The following CACNG4 variants were observed in gnomAD, a reference collection of about 807,000 sequenced individuals.
CACNG4 encodes the protein voltage-dependent calcium channel gamma-4 subunit.
In CACNG4, 8 loss-of-function variants were observed where a neutral mutation model predicts 22.9. The observed-to-expected ratio is 0.35, with a 90% CI of 0.21 to 0.63. The LOEUF (loss-of-function observed/expected upper bound fraction) is 0.63, where lower values mean the gene tolerates loss of function less well. CACNG4 is among the 30% of genes least tolerant of loss of function. The probability of loss-of-function intolerance (pLI) is 0.72; values close to 1 mark genes in which losing one functional copy is unlikely to be tolerated. For missense variants in CACNG4, 357 were observed against 455.4 expected (o/e 0.78, Z 1.97); for synonymous variants, 188 against 191.9 (o/e 0.98, Z 0.17).
intron 1 of CACNG4, among the ~76,000 whole-genome samples, chr17:66,988,868 G>T (rs2035321237): frequency 1.3e-5 from 2 of 152,128 alleles, no homozygotes; most frequent in South Asian, 4.1e-4. Flanking sequence ...AGACCAGCCT[G>T]ACCAACGTGG....
intron 1 of CACNG4, among the ~76,000 whole-genome samples, chr17:67,015,721 A>G (rs2035493478): frequency 6.6e-6 from 1 of 152,208 alleles, no homozygotes. Flanking sequence ...AAATCGGGAA[A>G]GAGGGACTCC....
rs570266202 is a variant in CACNG4, at chr17:66,991,337, C to A, written c.220+26206C>A. ...TGCCATCCCCAAACAAACAAACAAA[C>A]AAAAAAAAACACTTCCGAAAGACCT... On this transcript the variant is annotated intron_variant, in intron 1 of 3. Transcript: ENST00000262138. Among the ~76,000 whole-genome samples, 309 of 150,486 alleles carry A rather than the reference C, an allele frequency of 2.1e-3. 2 individuals carry two copies. Among genetic ancestry groups the A allele is most frequent in the Admixed American group, 4.4e-3 (67 of 15,140 alleles).
In CACNG4 at chr17:67,024,865, G is replaced by C. The variant is rs111539823; in HGVS notation, c.310G>C (p.Val104Leu). ...HDSSEYLLRI[V>L]RASSVFPILS... is the part of the protein sequence containing the mutation. ...CCCCCCACCTCCCCGGCCAGGCATC[G>C]TGCGAGCCTCCAGCGTCTTCCCCAT... The change falls in exon 3 of 4, where the codon GTG (valine) becomes CTG (leucine). Residue 104 changes from valine (V) to leucine (L), a missense_variant. By Grantham distance (32) the Val-to-Leu change is conservative. Coordinates refer to ENST00000262138, the MANE Select transcript of CACNG4 (RefSeq NM_014405.4). 1.9e-6 allele frequency: 3 copies of C among 1,559,132 alleles called. No homozygotes were observed. The highest frequency in any genetic ancestry group is 2.6e-6 in the Non-Finnish European group (3 of 1,154,572).
At chr17:66,982,874 G>T (rs1352223906) in intron 1 of CACNG4, among the ~76,000 whole-genome samples, 2 of 152,204 alleles carry the variant, frequency 1.3e-5, no homozygotes, top group African/African-American at 4.8e-5. Context: ...AAACTCTACT[G>T]TGGTTCCTAT....
At chr17:66,969,372 C>T (rs2035190460) in intron 1 of CACNG4, among the ~76,000 whole-genome samples, 1 of 152,222 alleles carries the variant, frequency 6.6e-6, no homozygotes. Flanking sequence ...AGAAAGCTGC[C>T]TCCAGCATGC....
At chr17:67,008,729 T>G (rs1048631648) in intron 1 of CACNG4, among the ~76,000 whole-genome samples, 1 of 152,032 alleles carries the variant, frequency 6.6e-6, no homozygotes. Context: ...GGGTGGATCA[T>G]TTGAGGTCAG....
In CACNG4 at chr17:67,024,945, C is replaced by G. The variant is rs761113164; in HGVS notation, c.390C>G (p.Ile130Met). 11 of 1,607,174 alleles carry G rather than the reference C, an allele frequency of 6.8e-6. No individual in the cohort carries two copies. Among genetic ancestry groups the G allele is most frequent in the Non-Finnish European group, 9.3e-6 (11 of 1,177,942 alleles). ...LGGLCIGAGR[I>M]YSRKNNIVLS... is the part of the protein sequence containing the mutation. ...GCCTGTGCATCGGTGCTGGCAGGAT[C>G]TACAGCCGCAAGAACAACATCGTCC... The change falls in exon 3 of 4, where the codon ATC becomes ATG. Residue 130 changes from isoleucine (I) to methionine (M), a missense_variant. This residue lies in a region of CACNG4 where 240 missense variants were observed against 277.6 expected (regional missense o/e 0.86). Coordinates refer to ENST00000262138, the MANE Select transcript of CACNG4 (RefSeq NM_014405.4).
intron 1 of CACNG4, among the ~76,000 whole-genome samples, chr17:66,972,221 G>T (rs904297164): frequency 2.0e-5 from 3 of 152,196 alleles, no homozygotes; most frequent in African/African-American, 7.2e-5. Context: ...ACTACTGCCT[G>T]ACACCCCACA....
intron 2 of CACNG4, among the ~76,000 whole-genome samples, chr17:67,022,132 G>A (rs1481913179): frequency 6.6e-6 from 1 of 150,558 alleles, no homozygotes; most frequent in Non-Finnish European, 1.5e-5. Flanking sequence ...CTGGAGTGCA[G>A]TGGCGCGATC....
chr17:66,997,413 G>A (rs1598112445), intron 1 of CACNG4, among the ~76,000 whole-genome samples: 1 of 152,164 alleles, frequency 6.6e-6, no homozygotes, highest in East Asian at 1.9e-4. Context: ...AGGGCAGGAT[G>A]ACACCTTAGT....
rs987415514 is a variant in CACNG4 at position 67,018,328 on chromosome 17, A to C, written c.304+56A>C. ...TGTGGGGAGGCGGAAGGGTGGGGGA[A>C]GGCGGCCGGAGGAAAGAGAGACACT... On this transcript the variant is annotated intron_variant, in intron 2 of 3. Transcript: ENST00000262138. 1.8e-5 allele frequency: 24 copies of C among 1,323,466 alleles called. No homozygotes were observed. The African/African-American group carries it at 3.3e-4, about 18-fold the overall frequency. The allele number at this position is 1,323,466 out of a possible 1,614,324, so 82.0% of individuals were successfully genotyped here. A position where few individuals can be genotyped will look rare whatever the true frequency, so the allele number is the denominator to read the frequency against.
intron 3 of CACNG4, among the ~76,000 whole-genome samples, chr17:67,026,323 G>A (rs2035566016): frequency 6.6e-6 from 1 of 150,860 alleles, no homozygotes; most frequent in African/African-American, 2.4e-5. Context: ...GTGTGTATTT[G>A]AGGACTGGTG....
intron 1 of CACNG4, among the ~76,000 whole-genome samples, chr17:67,009,925 G>A (rs1215519791): frequency 6.6e-6 from 1 of 152,064 alleles, no homozygotes; most frequent in Non-Finnish European, 1.5e-5. Context: ...TCCCCACCGT[G>A]GAGACTGTAC....
intron 1 of CACNG4, among the ~76,000 whole-genome samples, chr17:66,981,641 G>C (rs1018886414): frequency 2.0e-5 from 3 of 152,194 alleles, no homozygotes; most frequent in Non-Finnish European, 2.9e-5. Context: ...CCCGTGAGTA[G>C]GACGGTGCTC....
chr17:67,006,396 A>G (rs541994482), intron 1 of CACNG4, among the ~76,000 whole-genome samples: 7 of 152,170 alleles, frequency 4.6e-5, no homozygotes, highest in Non-Finnish European at 8.8e-5. Context: ...GTCTCCTTAC[A>G]GGACGGTTCT....
chr17:66,965,229 C>T, intron 1 of CACNG4, 98 bp downstream of exon 1: 9 of 750,508 alleles, frequency 1.2e-5, no homozygotes, highest in Admixed American at 6.4e-5. Flanking sequence ...CACACACGCG[C>T]ACACACTGCC....
At chr17:67,003,150 A>G (rs2035418386) in intron 1 of CACNG4, among the ~76,000 whole-genome samples, 1 of 152,136 alleles carries the variant, frequency 6.6e-6, no homozygotes, top group Non-Finnish European at 1.5e-5. Flanking sequence ...TTTTAAGTAC[A>G]TACCATGGGA....
At position 67,031,604 on chromosome 17, in the gene CACNG4, T is replaced by C. The variant is rs1217521953; in HGVS notation, c.*600T>C. Reference sequence around the variant, plus strand: ...GACAGCTCTGCAGCCAACTGGTGCTTTGGCCTTTGCGCTGTCCCGGGGCCA... The same window carrying C: ...GACAGCTCTGCAGCCAACTGGTGCTCTGGCCTTTGCGCTGTCCCGGGGCCA... On this transcript the variant is annotated 3_prime_UTR_variant, in exon 4 of 4. Transcript: ENST00000262138. The surrounding 1 kb of genome is among the most constrained non-coding windows in gnomAD (Gnocchi z 4.0). The C allele has an allele frequency of 6.6e-6, 3 of 456,752 alleles. No homozygotes were observed. The highest frequency in any genetic ancestry group is 1.3e-5 in the Non-Finnish European group (3 of 226,998). 28.3% of individuals were successfully genotyped at this position (456,752 alleles called of 1,614,324 possible).
chr17:66,966,196 C>T (rs2035170067), intron 1 of CACNG4, among the ~76,000 whole-genome samples: 2 of 152,180 alleles, frequency 1.3e-5, no homozygotes. Context: ...CGCCCTTCTG[C>T]CCGGCTGCGG....
Sources: gnomAD v4.1 joint callset for allele counts (sites outside exome capture counted in the v4.1 genomes callset) on GRCh38, gnomAD v4.1.1 for gene constraint, gnomAD v4.1.1 regional missense constraint, Gnocchi (gnomAD v3.1) non-coding constraint, MANE v1.5 for transcripts, NCBI Gene and HGNC (gene_info 2026-07-23, HGNC 2026-07-21) for gene names.